Variants in CSRP1 observed in about 807,000 individuals in gnomAD.
CSRP1 encodes the protein cysteine and glycine rich protein 1.
A neutral mutation model predicts 25.4 loss-of-function variants in CSRP1; 16 were observed. The observed-to-expected ratio is 0.63, with a 90% CI of 0.43 to 0.96. CSRP1 has a LOEUF of 0.96. Among genes scored for constraint, CSRP1 ranks in the 40% least tolerant of loss-of-function variants. CSRP1 has a pLI of 0.00. For missense variants in CSRP1, 212 were observed against 243.6 expected (o/e 0.87, Z 0.86); for synonymous variants, 97 against 95.3 (o/e 1.02, Z -0.10).
intron 2 of CSRP1, among the ~76,000 whole-genome samples, chr1:201,494,144 G>A (rs571475): frequency 0.074 from 11,240 of 151,740 alleles, 985 homozygotes; most frequent in African/African-American, 0.21. Flanking sequence ...TTTCTCATCC[G>A]CAGCGCCCCT....
chr1:201,488,356 G>A (rs1664215407), intron 4 of CSRP1: 2 of 152,822 alleles, frequency 1.3e-5, no homozygotes, highest in Non-Finnish European at 2.9e-5. Flanking sequence ...GCTCTGGTAG[G>A]TCTGAACCTT....
At position 201,490,352 on chromosome 1, in the gene CSRP1, G is replaced by T; in HGVS notation, c.113-8C>A. 1 of 1,611,982 alleles carries T rather than the reference G, an allele frequency of 6.2e-7. No homozygotes were observed. On this transcript the variant is annotated splice_region_variant and splice_polypyrimidine_tract_variant and intron_variant, in intron 2 of 5. Coordinates refer to ENST00000340006, the MANE Select transcript of CSRP1 (RefSeq NM_004078.3). ...GATTCTTCTTGCAGACCACTGTGGA[G>T]GGGAAGGGGAAGCGGACGCATTGAG...
chr1:201,486,731 C>T, intron 4 of CSRP1: 1 of 1,067,026 alleles, frequency 9.4e-7, no homozygotes, highest in Non-Finnish European at 1.1e-6. Context: ...CCCAAAAGTA[C>T]TCCCAGCTCA....
rs746933418 is a variant in CSRP1, at chr1:201,488,820, C to A, written c.411+35G>T. 5.0e-6 allele frequency: 8 copies of A among 1,606,836 alleles called. No homozygotes were observed. In the East Asian group the frequency reaches 1.8e-4, roughly 36 times the overall value. On this transcript the variant is annotated intron_variant, in intron 4 of 5. Transcript: ENST00000340006. ...GAATCCACATTTCAGGAAGATATCT[C>A]CCCCCATCCCTCTCATGCCCAGCAG...
rs1664615241 is a variant in CSRP1, at chr1:201,499,885, G to A, written c.-1-3581C>T. Reference sequence around the variant, plus strand: ...GATCTGCCTGCCTCGGTCTCCTAATGTGCTGGGATTATAGGCATGAGTCAC... The same window carrying A: ...GATCTGCCTGCCTCGGTCTCCTAATATGCTGGGATTATAGGCATGAGTCAC... On this transcript the variant is annotated intron_variant, in intron 1 of 5. Coordinates refer to ENST00000340006, the MANE Select transcript of CSRP1 (RefSeq NM_004078.3). Among the ~76,000 whole-genome samples the A allele has an allele frequency of 2.6e-5, 4 of 152,296 alleles. No individual in the cohort carries two copies. In the South Asian group the frequency reaches 8.3e-4, roughly 32 times the overall value.
intron 1 of CSRP1, among the ~76,000 whole-genome samples, chr1:201,497,808 G>C (rs191632370): frequency 6.6e-6 from 1 of 152,228 alleles, no homozygotes; most frequent in Non-Finnish European, 1.5e-5. Context: ...TCGGGAGTTT[G>C]AGACCAGCCT....
chr1:201,489,860 A>C (rs1571776339), intron 3 of CSRP1: 1 of 226,872 alleles, frequency 4.4e-6, no homozygotes, highest in South Asian at 1.0e-4. Flanking sequence ...ACAGAGCAAG[A>C]CTCCCTTTCA....
intron 1 of CSRP1, 106 bp from the exon 2 acceptor site, chr1:201,496,410 A>G (rs931232960): frequency 9.4e-6 from 9 of 960,204 alleles, no homozygotes; most frequent in African/African-American, 1.6e-5. Context: ...GAGAAAGACA[A>G]AAGTAGAATG....
chr1:201,503,512 G>A (rs1018053229), intron 1 of CSRP1, among the ~76,000 whole-genome samples: 1 of 152,166 alleles, frequency 6.6e-6, no homozygotes, highest in South Asian at 2.1e-4. Flanking sequence ...CTGGGGCTGA[G>A]CTCCAGCTGC....
At chr1:201,501,573 G>C (rs538285107) in intron 1 of CSRP1, among the ~76,000 whole-genome samples, 1 of 152,280 alleles carries the variant, frequency 6.6e-6, no homozygotes, top group African/African-American at 2.4e-5. Flanking sequence ...ACTGTACCCA[G>C]ATCCCCAGTT....
intron 4 of CSRP1, chr1:201,486,755 G>A (rs16848754): frequency 0.026 from 28,017 of 1,064,970 alleles, 415 homozygotes; most frequent in South Asian, 0.031. Flanking sequence ...TTTCTTGAGC[G>A]AGGCAATAGA....
intron 1 of CSRP1, 39 bp from the exon 2 acceptor site, chr1:201,496,343 G>A: frequency 6.8e-7 from 1 of 1,472,876 alleles, no homozygotes; most frequent in Non-Finnish European, 9.5e-7. Flanking sequence ...ATTTTACAGG[G>A]AGATGGAAAC....
intron 4 of CSRP1, chr1:201,488,286 T>C (rs1314562971): frequency 1.3e-5 from 2 of 152,178 alleles, no homozygotes; most frequent in Non-Finnish European, 2.9e-5. Flanking sequence ...ACTGTCAGAA[T>C]ATCATGGGGG....
At chr1:201,501,195 G>A (rs980706779) in intron 1 of CSRP1, among the ~76,000 whole-genome samples, 4 of 152,120 alleles carry the variant, frequency 2.6e-5, no homozygotes, top group South Asian at 2.1e-4. Context: ...CCACTCACAC[G>A]ACTGGACCAG....
At chr1:201,495,833 A>G in intron 2 of CSRP1, 1 of 186,676 alleles carries the variant, frequency 5.4e-6, no homozygotes, top group Non-Finnish European at 1.1e-5. Flanking sequence ...TGAACAAGAG[A>G]TAATTAGGGT....
intron 2 of CSRP1, among the ~76,000 whole-genome samples, chr1:201,493,290 TCAGA>T (rs1235374601): frequency 2.0e-5 from 3 of 152,144 alleles, no homozygotes; most frequent in Non-Finnish European, 2.9e-5. Flanking sequence ...TCCCGCCCAT[TCAGA>T]CACTCAGGAA....
intron 1 of CSRP1, among the ~76,000 whole-genome samples, chr1:201,498,831 G>C (rs1287643573): frequency 1.3e-5 from 2 of 152,206 alleles, no homozygotes; most frequent in Admixed American, 6.5e-5. Context: ...GGAGGTGCTT[G>C]GTAAGCGTGT....
chr1:201,489,185 A>C (rs1487715909), intron 3 of CSRP1: 4 of 535,420 alleles, frequency 7.5e-6, no homozygotes, highest in Non-Finnish European at 1.3e-5. Flanking sequence ...TGTTATTTCC[A>C]TTGTAACATC....
chr1:201,485,036 C>T (rs1289512599), intron 5 of CSRP1, among the ~76,000 whole-genome samples: 1 of 152,036 alleles, frequency 6.6e-6, no homozygotes, highest in Non-Finnish European at 1.5e-5. Context: ...GCTGTAAGAA[C>T]ATTGGACTGG....
Sources: allele counts gnomAD v4.1 joint callset (sites outside exome capture counted in the v4.1 genomes callset), GRCh38; gene constraint gnomAD v4.1.1; transcripts MANE v1.5; gene names NCBI Gene and HGNC (gene_info 2026-07-23, HGNC 2026-07-21).